Variants in KIFAP3 observed in about 807,000 individuals in gnomAD.
KIFAP3 encodes kinesin-associated protein 3.
Under a neutral mutation model 106.5 loss-of-function variants are expected in KIFAP3, and 68 were observed. The observed-to-expected ratio is 0.64, with a 90% CI of 0.53 to 0.78. KIFAP3 has a LOEUF of 0.78. KIFAP3 is among the 30% of genes least tolerant of loss of function. KIFAP3 has a pLI of 0.00. For synonymous variants in KIFAP3, 320 were observed against 311.5 expected (o/e 1.03, Z -0.29); for missense variants, 780 against 941.8 (o/e 0.83, Z 2.25).
chr1:169,925,154 C>G (rs1571500047), intron 19 of KIFAP3, among the ~76,000 whole-genome samples: 1 of 152,162 alleles, frequency 6.6e-6, no homozygotes, highest in South Asian at 2.1e-4. Flanking sequence ...TCCCTCTAGA[C>G]TAGTATATGC....
At chr1:169,967,434 A>T (rs1340623063) in intron 17 of KIFAP3, among the ~76,000 whole-genome samples, 1 of 151,772 alleles carries the variant, frequency 6.6e-6, no homozygotes, top group African/African-American at 2.4e-5. Context: ...ATAGTTTAGT[A>T]GCCATGGCAA....
At chr1:169,957,416 T>TG (rs1433600974) in intron 18 of KIFAP3, among the ~76,000 whole-genome samples, 1 of 152,128 alleles carries the variant, frequency 6.6e-6, no homozygotes, top group East Asian at 1.9e-4. Flanking sequence ...AAGGCAGTTA[T>TG]GAACAAAACA....
chr1:170,040,017 G>A (rs1669891267), intron 3 of KIFAP3, among the ~76,000 whole-genome samples: 1 of 152,026 alleles, frequency 6.6e-6, no homozygotes, highest in Non-Finnish European at 1.5e-5. Flanking sequence ...AAGTAAGTTA[G>A]AATGTTATCA....
At chr1:170,019,692 C>T (rs1668708644) in intron 9 of KIFAP3, among the ~76,000 whole-genome samples, 1 of 152,138 alleles carries the variant, frequency 6.6e-6, no homozygotes, top group African/African-American at 2.4e-5. Flanking sequence ...CTTCCTTAAA[C>T]TGATAGCAAG....
intron 19 of KIFAP3, among the ~76,000 whole-genome samples, chr1:169,922,384 A>G (rs1195595793): frequency 1.3e-5 from 2 of 152,230 alleles, no homozygotes; most frequent in African/African-American, 4.8e-5. Context: ...CAATGCAAAC[A>G]ATTACAAAAC....
chr1:169,993,596 T>G, intron 10 of KIFAP3, among the ~76,000 whole-genome samples: 1 of 141,406 alleles, frequency 7.1e-6, no homozygotes, highest in African/African-American at 2.6e-5. Context: ...ACAGAAGTAT[T>G]CAGTTTCCCA....
At chr1:170,025,583 T>C (rs546356501) in intron 8 of KIFAP3, among the ~76,000 whole-genome samples, 2 of 152,222 alleles carry the variant, frequency 1.3e-5, no homozygotes, top group South Asian at 2.1e-4. Context: ...GCCAGGCCTG[T>C]TGATGTATAA....
intron 10 of KIFAP3, among the ~76,000 whole-genome samples, chr1:169,996,729 G>T (rs185911015): frequency 6.6e-5 from 10 of 152,206 alleles, no homozygotes; most frequent in African/African-American, 2.2e-4. Context: ...TCCTTAGGGC[G>T]AAGTACAGGA....
intron 17 of KIFAP3, among the ~76,000 whole-genome samples, chr1:169,966,761 AG>A (rs1180143303): frequency 1.3e-5 from 2 of 151,938 alleles, no homozygotes; most frequent in Non-Finnish European, 3.0e-5. Context: ...TTACAGGCTG[AG>A]TATGAAATAT....
At chr1:170,056,903 A>C (rs1670880857) in intron 1 of KIFAP3, among the ~76,000 whole-genome samples, 1 of 152,114 alleles carries the variant, frequency 6.6e-6, no homozygotes, top group African/African-American at 2.4e-5. Context: ...AAAATCGAGG[A>C]ATTAGGAAAT....
intron 9 of KIFAP3, 36 bp from the exon 10 acceptor site, chr1:170,016,660 T>A: frequency 7.8e-7 from 1 of 1,281,446 alleles, no homozygotes; most frequent in Non-Finnish European, 1.1e-6. Flanking sequence ...AGTGAAGTTC[T>A]GTTGCAAAAT....
At chr1:170,058,612 A>G (rs941398919) in intron 1 of KIFAP3, among the ~76,000 whole-genome samples, 3 of 152,124 alleles carry the variant, frequency 2.0e-5, no homozygotes, top group African/African-American at 4.8e-5. Flanking sequence ...CAGAAGCTTG[A>G]AGTACAAAAT....
intron 19 of KIFAP3, among the ~76,000 whole-genome samples, chr1:169,946,345 T>C (rs1664438311): frequency 6.8e-6 from 1 of 146,852 alleles, no homozygotes. Flanking sequence ...GAATCACCAG[T>C]TTGCAGTAAA....
chr1:170,012,288 G>T (rs1668282487), intron 10 of KIFAP3, among the ~76,000 whole-genome samples: 1 of 152,108 alleles, frequency 6.6e-6, no homozygotes, highest in Admixed American at 6.6e-5. Flanking sequence ...GGGCCATTTA[G>T]CAAGGAGAAA....
intron 2 of KIFAP3, among the ~76,000 whole-genome samples, chr1:170,047,971 A>G (rs1190183985): frequency 6.6e-6 from 1 of 152,226 alleles, no homozygotes; most frequent in Non-Finnish European, 1.5e-5. Context: ...ACAAGCAGCC[A>G]CTGTGTAGAA....
In KIFAP3 at chr1:169,992,256, C is replaced by A; in HGVS notation, c.1184-1G>T. On this transcript the variant is annotated splice_acceptor_variant, in intron 10 of 19. Coordinates refer to ENST00000361580, the MANE Select transcript of KIFAP3 (RefSeq NM_014970.4). LOFTEE classifies it high-confidence loss of function. ...GCTATTTGTTTGTAGTTGTCATTGC[C>A]TAGGAATAAAACATCATGGTGATGA... The A allele has an allele frequency of 6.5e-7, 1 of 1,532,416 alleles. No individual in the cohort carries two copies. Among genetic ancestry groups the A allele is most frequent in the African/African-American group, 1.4e-5 (1 of 71,640 alleles). The allele number at this position is 1,532,416 out of a possible 1,614,324, so 94.9% of individuals were successfully genotyped here.
In KIFAP3 at chr1:170,034,371, T is replaced by A. The variant is rs766873634; in HGVS notation, c.742+1A>T. The A allele has an allele frequency of 6.2e-7, 1 of 1,604,852 alleles. No individual in the cohort carries two copies. Among genetic ancestry groups the A allele is most frequent in the Admixed American group, 1.7e-5 (1 of 58,618 alleles). On this transcript the variant is annotated splice_donor_variant, in intron 7 of 19. Coordinates refer to ENST00000361580, the MANE Select transcript of KIFAP3 (RefSeq NM_014970.4). LOFTEE classifies it high-confidence loss of function. The stretch of plus-strand genomic sequence containing the variant: ...GTTCAAATGCCACTCTAAAAGGATA[T>A]CAGCTTTCTTCTTCTTTGAGAGTTC...
rs527597587 is a variant in KIFAP3 at position 169,984,220 on chromosome 1, A to C, written c.1393+362T>G. ...GGCAGACTCTGAAACATCATAATGT[A>C]TGACAGGCTATTCTACAAAGATATT... On this transcript the variant is annotated intron_variant, in intron 12 of 19. Transcript: ENST00000361580. Among the ~76,000 whole-genome samples, 13 of 151,964 alleles carry C rather than the reference A, an allele frequency of 8.6e-5. No individual in the cohort carries two copies. The South Asian group carries it at 2.7e-3, about 31-fold the overall frequency.
At chr1:170,015,705 T>C (rs940423349) in intron 10 of KIFAP3, among the ~76,000 whole-genome samples, 2 of 152,120 alleles carry the variant, frequency 1.3e-5, no homozygotes, top group Admixed American at 1.3e-4. Flanking sequence ...TGTTTCAGTA[T>C]GGTCATGGTG....
Sources: allele counts gnomAD v4.1 joint callset (sites outside exome capture counted in the v4.1 genomes callset), GRCh38; gene constraint gnomAD v4.1.1; transcripts MANE v1.5; gene names NCBI Gene and HGNC (gene_info 2026-07-23, HGNC 2026-07-21).